The following PCDHGB4 variants were observed in gnomAD, a reference collection of about 807,000 sequenced individuals.
PCDHGB4 encodes protocadherin gamma subfamily B, 4.
Under a neutral mutation model 60.5 loss-of-function variants are expected in PCDHGB4, and 38 were observed. That is an observed-to-expected ratio of 0.63 (90% CI 0.48 to 0.82). The LOEUF (loss-of-function observed/expected upper bound fraction) is 0.82, where lower values mean the gene tolerates loss of function less well. Ranked by LOEUF, PCDHGB4 falls within the 40% of genes least tolerant of loss-of-function variation. The pLI, the probability that PCDHGB4 is intolerant of heterozygous loss-of-function variation, is 0.00. For synonymous variants in PCDHGB4, 456 were observed against 509.7 expected (o/e 0.89, Z 1.42); for missense variants, 1,109 against 1,209.6 (o/e 0.92, Z 1.23).
At chr5:141,449,282 G>A (rs1285842278) in intron 1 of PCDHGB4, among the ~76,000 whole-genome samples, 17 of 152,002 alleles carry the variant, frequency 1.1e-4, no homozygotes, top group Admixed American at 4.6e-4. Context: ...CCTTCACCCG[G>A]ATGCACCGGG....
intron 1 of PCDHGB4, chr5:141,410,849 C>CTTTTTTTTTTTTTTGTTTTTTTT (rs2095434772): frequency 7.7e-6 from 1 of 129,786 alleles, no homozygotes; most frequent in Admixed American, 1.1e-4. Flanking sequence ...TTGTCTTTGT[C>CTTTTTTTTTTTTTTGTTTTTTTT]TTTTTTTTTT....
intron 1 of PCDHGB4, chr5:141,413,798 AAG>A (rs914638812): frequency 2.7e-5 from 44 of 1,613,066 alleles, no homozygotes; most frequent in Non-Finnish European, 3.5e-5. Context: ...GATCGCGAGG[AAG>A]AGGCCATTCA....
intron 1 of PCDHGB4, among the ~76,000 whole-genome samples, chr5:141,459,721 T>C (rs2098973915): frequency 6.6e-6 from 1 of 152,246 alleles, no homozygotes. Context: ...CAATGCTTCC[T>C]ATTGTCAATT....
intron 1 of PCDHGB4, among the ~76,000 whole-genome samples, chr5:141,465,048 AT>A (rs905091014): frequency 4.0e-5 from 6 of 151,346 alleles, no homozygotes; most frequent in African/African-American, 9.7e-5. Context: ...GACCCTATAT[AT>A]TTTTTTGAAT....
chr5:141,392,916 G>A, intron 1 of PCDHGB4: 1 of 1,613,936 alleles, frequency 6.2e-7, no homozygotes, highest in Non-Finnish European at 8.5e-7. Context: ...TCGCTACTCT[G>A]TGCCAGAAGA....
rs772444495 is a variant in PCDHGB4 at position 141,491,766 on chromosome 5, T to C, written c.2398-3041T>C. 14 of 1,567,738 alleles carry C rather than the reference T, an allele frequency of 8.9e-6. No homozygotes were observed. The African/African-American group carries it at 1.6e-4, about 18-fold the overall frequency. ...GCACTGGAGAAGCCGCCCGTCCTCA[T>C]AAGGGATTGAACTTGCATCCACTCC... On this transcript the variant is annotated intron_variant, in intron 1 of 3. Coordinates refer to ENST00000519479, the MANE Select transcript of PCDHGB4 (RefSeq NM_003736.4). The surrounding 1 kb of genome is among the most constrained non-coding windows in gnomAD (Gnocchi z 6.9).
At chr5:141,399,298 A>T (rs1451298331) in intron 1 of PCDHGB4, 1 of 1,613,850 alleles carries the variant, frequency 6.2e-7, no homozygotes, top group Non-Finnish European at 8.5e-7. Flanking sequence ...TTTTAAGATT[A>T]TCTCTTCATC....
Position 141,388,520 on chromosome 5 carries a change from G to T in PCDHGB4, c.636G>T (p.Leu212Phe). 6.2e-7 allele frequency: 1 copy of T among 1,613,822 alleles called. No individual in the cohort carries two copies. The highest frequency in any genetic ancestry group is 1.7e-5 in the Admixed American group (1 of 60,016). Residue 212 changes from leucine to phenylalanine, a missense_variant, in exon 1 of 4, where the codon TTG becomes TTT. Around this residue, in one of 2 missense-constraint regions of PCDHGB4, gnomAD observed 1,068 missense variants for 1,089.9 expected, o/e 0.98. Coordinates refer to ENST00000519479, the MANE Select transcript of PCDHGB4 (RefSeq NM_003736.4). ...AGCAGAAATCCTACCACTTGACTTT[G>T]ACTGCCTTGGACTTTGGAGCTCCAC... ...REKQKSYHLT[L>F]TALDFGAPPL...
Position 141,431,910 on chromosome 5 carries a change from G to A in PCDHGB4, c.2397+41629G>A. The A allele has an allele frequency of 6.2e-7, 1 of 1,614,096 alleles. No individual in the cohort carries two copies. Among genetic ancestry groups the A allele is most frequent in the Non-Finnish European group, 8.5e-7 (1 of 1,179,934 alleles). On this transcript the variant is annotated intron_variant, in intron 1 of 3. Transcript: ENST00000519479. This position sits in a 1 kb window ranked among gnomAD's most constrained non-coding sequence, Gnocchi z 4.8. ...TCTGAGGAAAACGGACAGGTGATCTGTTTCATCCAAGGAAATCTGCCCTTT... is the reference window on the plus strand; with the variant it reads ...TCTGAGGAAAACGGACAGGTGATCTATTTCATCCAAGGAAATCTGCCCTTT...
chr5:141,469,505 G>T (rs2099202987), intron 1 of PCDHGB4, among the ~76,000 whole-genome samples: 1 of 152,138 alleles, frequency 6.6e-6, no homozygotes. Flanking sequence ...AACCCGGGAG[G>T]TGGAGGTTGC....
At chr5:141,444,288 C>T (rs2098430665) in intron 1 of PCDHGB4, among the ~76,000 whole-genome samples, 1 of 150,100 alleles carries the variant, frequency 6.7e-6, no homozygotes, top group South Asian at 2.1e-4. Flanking sequence ...TCTCCTGCCT[C>T]AGCCTCCCTA....
intron 1 of PCDHGB4, chr5:141,409,394 T>C: frequency 1.9e-6 from 3 of 1,614,008 alleles, no homozygotes; most frequent in Non-Finnish European, 2.5e-6. Flanking sequence ...TTATTCTTCT[T>C]CCAATAACTA....
intron 1 of PCDHGB4, chr5:141,394,424 C>G (rs781695042): frequency 6.2e-7 from 1 of 1,614,222 alleles, no homozygotes; most frequent in East Asian, 2.2e-5. Flanking sequence ...CCAGCGACAG[C>G]GGGGACCCGC....
intron 1 of PCDHGB4, chr5:141,398,862 C>T (rs771326288): frequency 1.9e-5 from 31 of 1,613,848 alleles, no homozygotes; most frequent in Non-Finnish European, 2.6e-5. Flanking sequence ...TCAACCGAGA[C>T]GTGTACAGAG....
At position 141,485,413 on chromosome 5, in the gene PCDHGB4, C is replaced by T; in HGVS notation, c.2398-9394C>T. ...AAAGACACTTCCGTGTGGATTTGGA[C>T]AGCGGAGCCCTGCTCATCAAGAACC... On this transcript the variant is annotated intron_variant, in intron 1 of 3. Transcript: ENST00000519479. The surrounding 1 kb of genome is among the most constrained non-coding windows in gnomAD (Gnocchi z 5.7). The T allele has an allele frequency of 6.2e-7, 1 of 1,614,158 alleles. No individual in the cohort carries two copies. The highest frequency in any genetic ancestry group is 8.5e-7 in the Non-Finnish European group (1 of 1,180,030).
At chr5:141,471,801 CAT>C (rs1165290367) in intron 1 of PCDHGB4, among the ~76,000 whole-genome samples, 1 of 152,114 alleles carries the variant, frequency 6.6e-6, no homozygotes, top group African/African-American at 2.4e-5. Context: ...ATATAAAAGA[CAT>C]ATAAAAGACT....
At chr5:141,441,862 G>A (rs2098280399) in intron 1 of PCDHGB4, 3 of 342,456 alleles carry the variant, frequency 8.8e-6, no homozygotes, top group Non-Finnish European at 1.1e-5. Context: ...GCTGCACGCC[G>A]CGGAGCCTGG....
In PCDHGB4 at chr5:141,485,125, G is replaced by A. The variant is rs776015544; in HGVS notation, c.2398-9682G>A. 7.1e-7 allele frequency: 1 copy of A among 1,412,160 alleles called. No homozygotes were observed. The highest frequency in any genetic ancestry group is 1.2e-5 in the South Asian group (1 of 81,022). The allele number at this position is 1,412,160 out of a possible 1,614,324, so 87.5% of individuals were successfully genotyped here. On this transcript the variant is annotated intron_variant, in intron 1 of 3. Transcript: ENST00000519479. This position sits in a 1 kb window ranked among gnomAD's most constrained non-coding sequence, Gnocchi z 5.7. ...CTGCTGTGGCTGTTTGGGGCGGGTC[G>A]GCTTCATCCGCGTCTCAGGAGCAAG... is the stretch of plus-strand genomic sequence containing the variant.
In PCDHGB4 at chr5:141,450,826, A is replaced by AT. The variant is rs764729742; in HGVS notation, c.2398-43979dup. On this transcript the variant is annotated intron_variant, in intron 1 of 3. Coordinates refer to ENST00000519479, the MANE Select transcript of PCDHGB4 (RefSeq NM_003736.4). ...TATTTATTTATTTAATATTATTATT[A>AT]TTATTTTTTTTTTTTTGAGATGGGG... Among the ~76,000 whole-genome samples, 613 of 134,334 alleles carry AT rather than the reference A, an allele frequency of 4.6e-3. 5 individuals are homozygous for AT. Among genetic ancestry groups the AT allele is most frequent in the African/African-American group, 9.0e-3 (309 of 34,288 alleles). 88.1% of individuals were successfully genotyped at this position (134,334 alleles called of 152,430 possible).
Sources: gnomAD v4.1 joint callset for allele counts (sites outside exome capture counted in the v4.1 genomes callset) on GRCh38, gnomAD v4.1.1 for gene constraint, gnomAD v4.1.1 regional missense constraint, Gnocchi (gnomAD v3.1) non-coding constraint, MANE v1.5 for transcripts, NCBI Gene and HGNC (gene_info 2026-07-23, HGNC 2026-07-21) for gene names.